ELAVL2: variants seen among roughly 807,000 people sequenced by gnomAD.
ELAVL2 encodes ELAV like RNA binding protein 2.
A neutral mutation model predicts 34.6 loss-of-function variants in ELAVL2; 4 were observed. The ratio of observed to expected loss-of-function variants is 0.12; its 90% CI spans 0.06 to 0.26. The LOEUF (loss-of-function observed/expected upper bound fraction) is 0.26. ELAVL2 is among the 10% of genes least tolerant of loss of function. The pLI is 1.00. For synonymous variants in ELAVL2, 193 were observed against 154.8 expected, an observed-to-expected ratio of 1.25 and a Z score of -1.83; for missense variants, 432 against 442.8, an observed-to-expected ratio of 0.98 and a Z score of 0.22.
intron 1 of ELAVL2, among the ~76,000 whole-genome samples, chr9:23,783,753 G>T (rs1564449492): frequency 2.0e-5 from 3 of 151,984 alleles, no homozygotes; most frequent in South Asian, 2.1e-4. Context: ...ACGCAATCTG[G>T]TAAGTGTGAG....
At chr9:23,848,706 A>G in the ELAVL2 span, among the ~76,000 whole-genome samples, 1 of 152,236 alleles carries the variant, frequency 6.6e-6, no homozygotes, top group African/African-American at 2.4e-5. Flanking sequence ...GAAGTTTATA[A>G]TTTAAAAATC....
At chr9:23,777,661 C>T (rs577791838) in intron 1 of ELAVL2, among the ~76,000 whole-genome samples, 1 of 152,188 alleles carries the variant, frequency 6.6e-6, no homozygotes, top group African/African-American at 2.4e-5. Flanking sequence ...GAAGCAAGAA[C>T]GGTAAATTAA....
chr9:23,826,103 C>T lies in ELAVL2; in HGVS notation c.-313G>A, dbSNP rs1374598470. On this transcript the variant is annotated 5_prime_UTR_variant, in exon 1 of 7. Coordinates refer to ENST00000397312, the MANE Select transcript of ELAVL2 (RefSeq NM_004432.5). Reference sequence around the variant, plus strand: ...ACAAAAAGGGGCAAGAAAAACAAACCAAGGAACAAAGAAAAGAGACGAAAG... The same window carrying T: ...ACAAAAAGGGGCAAGAAAAACAAACTAAGGAACAAAGAAAAGAGACGAAAG... 6.6e-6 allele frequency: 1 copy of T among 152,106 alleles called. No homozygotes were observed. Among genetic ancestry groups the T allele is most frequent in the Non-Finnish European group, 1.5e-5 (1 of 68,036 alleles). 9.4% of individuals were successfully genotyped at this position (152,106 alleles called of 1,614,324 possible). A position where few individuals can be genotyped will look rare whatever the true frequency, so the allele number is the denominator to read the frequency against.
At chr9:23,697,887 G>T (rs147122245) in intron 5 of ELAVL2, among the ~76,000 whole-genome samples, 50 of 151,698 alleles carry the variant, frequency 3.3e-4, no homozygotes, top group African/African-American at 1.2e-3. Context: ...TCTCTCCAAA[G>T]CGCCAACCGA....
In ELAVL2 at chr9:23,763,012, A is replaced by G. The variant is rs545047498; in HGVS notation, c.-15-763T>C. 5.3e-5 allele frequency among the ~76,000 whole-genome samples: 8 copies of G among 152,246 alleles called. No homozygotes were observed. In the South Asian group the frequency reaches 1.0e-3, roughly 20 times the overall value. On this transcript the variant is annotated intron_variant, in intron 1 of 6. Coordinates refer to ENST00000397312, the MANE Select transcript of ELAVL2 (RefSeq NM_004432.5). ...ACAAGGTGACTGATCTACAACATCA[A>G]AATAAAATCCCCAAACACTTCGATA...
intron 1 of ELAVL2, among the ~76,000 whole-genome samples, chr9:23,812,219 T>A (rs1213051929): frequency 1.3e-5 from 2 of 152,114 alleles, no homozygotes; most frequent in Non-Finnish European, 2.9e-5. Context: ...ACGTTCTCAG[T>A]ATCCAGCACT....
intron 4 of ELAVL2, among the ~76,000 whole-genome samples, chr9:23,703,606 C>T (rs2038237482): frequency 6.6e-6 from 1 of 152,130 alleles, no homozygotes; most frequent in African/African-American, 2.4e-5. Flanking sequence ...ATATGGGCTC[C>T]TCTGATTAGA....
At chr9:23,715,761 C>T (rs2042134068) in intron 3 of ELAVL2, among the ~76,000 whole-genome samples, 1 of 151,916 alleles carries the variant, frequency 6.6e-6, no homozygotes, top group South Asian at 2.1e-4. Flanking sequence ...ATGCCTAAGA[C>T]ACTGTCAACA....
At chr9:23,731,207 TG>T in intron 2 of ELAVL2, 82 bp from the exon 3 acceptor site, 6 of 1,128,718 alleles carry the variant, frequency 5.3e-6, no homozygotes, top group Non-Finnish European at 7.5e-6. Context: ...CATATGGTCT[TG>T]TCATTAACAC....
chr9:23,751,447 A>G (rs2052004024), intron 2 of ELAVL2, among the ~76,000 whole-genome samples: 1 of 152,156 alleles, frequency 6.6e-6, no homozygotes, highest in African/African-American at 2.4e-5. Context: ...TTTTCAATGA[A>G]TATTTCAATG....
Position 23,693,355 on chromosome 9 carries a change from A to T in ELAVL2, c.752+93T>A, listed in dbSNP as rs1168480348. ...GCACATGCAAAATAAAACCCAACAA[A>T]AACTTATGAGGGGTGTGAATAGCAC... On this transcript the variant is annotated intron_variant, in intron 6 of 6. Transcript: ENST00000397312. 19 of 1,494,386 alleles carry T rather than the reference A, an allele frequency of 1.3e-5. No homozygotes were observed. In the South Asian group the frequency reaches 2.2e-4, roughly 17 times the overall value. The allele number at this position is 1,494,386 out of a possible 1,614,324, so 92.6% of individuals were successfully genotyped here. A position where few individuals can be genotyped will look rare whatever the true frequency, so the allele number is the denominator to read the frequency against.
intron 1 of ELAVL2, among the ~76,000 whole-genome samples, chr9:23,795,270 G>T (rs1465476866): frequency 6.6e-6 from 1 of 152,176 alleles, no homozygotes; most frequent in African/African-American, 2.4e-5. Flanking sequence ...AATGTTGGGC[G>T]TGGTGGCTCA....
intron 2 of ELAVL2, among the ~76,000 whole-genome samples, chr9:23,747,750 G>A (rs950157901): frequency 2.0e-5 from 3 of 152,108 alleles, no homozygotes; most frequent in African/African-American, 7.2e-5. Context: ...CAACCCAGGG[G>A]AGGCTTTCTG....
intron 2 of ELAVL2, among the ~76,000 whole-genome samples, chr9:23,742,745 A>T (rs937931994): frequency 2.0e-5 from 3 of 152,216 alleles, no homozygotes; most frequent in South Asian, 4.1e-4. Context: ...CCCAGTCGAC[A>T]CAAGGATTAA....
intron 1 of ELAVL2, among the ~76,000 whole-genome samples, chr9:23,812,118 T>C (rs1320961354): frequency 6.6e-6 from 1 of 152,032 alleles, no homozygotes; most frequent in Non-Finnish European, 1.5e-5. Context: ...GTGGGGAGTG[T>C]GTGATTTTTT....
Position 23,691,498 on chromosome 9 carries a change from T to C in ELAVL2, c.*1059A>G, listed in dbSNP as rs2132618689. On this transcript the variant is annotated 3_prime_UTR_variant, in exon 7 of 7. Transcript: ENST00000397312. ...CACCATGAGCTCTATCTGAAGGGATTTCTTTAGGAAGAACAGATTTTTTCC... is the reference window on the plus strand; with the variant it reads ...CACCATGAGCTCTATCTGAAGGGATCTCTTTAGGAAGAACAGATTTTTTCC... The C allele has an allele frequency of 6.5e-6, 1 of 152,692 alleles. No homozygotes were observed. Among genetic ancestry groups the C allele is most frequent in the Non-Finnish European group, 1.5e-5 (1 of 67,992 alleles). The allele number at this position is 152,692 out of a possible 1,614,324, so 9.5% of individuals were successfully genotyped here.
At chr9:23,753,508 G>A (rs2052677768) in intron 2 of ELAVL2, among the ~76,000 whole-genome samples, 2 of 152,036 alleles carry the variant, frequency 1.3e-5, no homozygotes, top group Non-Finnish European at 2.9e-5. Flanking sequence ...AAAACAGGTT[G>A]ATTTTGTACT....
intron 1 of ELAVL2, among the ~76,000 whole-genome samples, chr9:23,798,003 G>T (rs958615308): frequency 2.0e-5 from 3 of 152,184 alleles, no homozygotes; most frequent in African/African-American, 7.2e-5. Context: ...AAGAGAAAAA[G>T]TTATTTGGCT....
At chr9:23,789,945 G>T (rs2060137865) in intron 1 of ELAVL2, among the ~76,000 whole-genome samples, 1 of 152,074 alleles carries the variant, frequency 6.6e-6, no homozygotes, top group Admixed American at 6.6e-5. Flanking sequence ...GGTAAGGTAA[G>T]GGGTAACCAT....
Sources: allele counts gnomAD v4.1 joint callset (sites outside exome capture counted in the v4.1 genomes callset), GRCh38; gene constraint gnomAD v4.1.1; transcripts MANE v1.5; gene names NCBI Gene and HGNC (gene_info 2026-07-23, HGNC 2026-07-21).